The following PRIMA1 variants were observed in gnomAD, a reference collection of about 807,000 sequenced individuals.
The protein encoded by PRIMA1 is proline rich membrane anchor 1, also known as proline-rich membrane anchor 1.
Under a neutral mutation model 17.5 loss-of-function variants are expected in PRIMA1, and 7 were observed. That is an observed-to-expected ratio of 0.40 (90% CI 0.23 to 0.75). The LOEUF (loss-of-function observed/expected upper bound fraction) is 0.75, where lower values mean the gene tolerates loss of function less well. PRIMA1 is among the 30% of genes least tolerant of loss of function. The probability of loss-of-function intolerance (pLI) is 0.37; values close to 1 mark genes in which losing one functional copy is unlikely to be tolerated. For missense variants in PRIMA1, 200 were observed against 201.8 expected (o/e 0.99, Z 0.05); for synonymous variants, 97 against 77.9 (o/e 1.25, Z -1.29).
intron 3 of PRIMA1, among the ~76,000 whole-genome samples, chr14:93,762,120 C>T (rs962382055): frequency 3.3e-5 from 5 of 152,156 alleles, no homozygotes; most frequent in Admixed American, 2.6e-4. Context: ...CTTGGGGACA[C>T]GCCAGTCCTG....
chr14:93,746,106 G>T (rs2076215809), intron 3 of PRIMA1, among the ~76,000 whole-genome samples: 1 of 152,120 alleles, frequency 6.6e-6, no homozygotes, highest in African/African-American at 2.4e-5. Flanking sequence ...GGTTTTCAGG[G>T]GTCGCAGCCG....
At position 93,726,633 on chromosome 14, in the gene PRIMA1, C is replaced by T. The variant is rs557795646; in HGVS notation, c.360-5087G>A. ...TATAATATACACATAGACACATGTA[C>T]ACATGCACAAATCCACACACACATA... On this transcript the variant is annotated intron_variant, in intron 4 of 4. Coordinates refer to ENST00000393140, the MANE Select transcript of PRIMA1 (RefSeq NM_178013.4). This position sits in a 1 kb window ranked among gnomAD's most constrained non-coding sequence, Gnocchi z 4.2. 2.2e-3 allele frequency among the ~76,000 whole-genome samples: 338 copies of T among 152,146 alleles called. No individual in the cohort carries two copies. The highest frequency in any genetic ancestry group is 3.9e-3 in the Non-Finnish European group (267 of 67,992).
At chr14:93,722,843 G>C (rs1362818848) in intron 4 of PRIMA1, among the ~76,000 whole-genome samples, 4 of 8,218 alleles carry the variant, frequency 4.9e-4, no homozygotes, top group Admixed American at 9.9e-4. Context: ...TGGTAGCAAT[G>C]ATGGTGGTGA....
intron 3 of PRIMA1, among the ~76,000 whole-genome samples, chr14:93,753,718 A>G (rs1008945789): frequency 6.6e-6 from 1 of 152,182 alleles, no homozygotes; most frequent in African/African-American, 2.4e-5. Context: ...GCCTAAGTGG[A>G]GAGATGATGC....
chr14:93,782,295 C>A (rs1056895524), intron 2 of PRIMA1, among the ~76,000 whole-genome samples: 5 of 151,462 alleles, frequency 3.3e-5, no homozygotes, highest in South Asian at 2.1e-4. Context: ...TAAATAAATA[C>A]ATACATACAT....
intron 3 of PRIMA1, among the ~76,000 whole-genome samples, chr14:93,743,243 C>T (rs372930749): frequency 5.2e-4 from 79 of 152,326 alleles, no homozygotes; most frequent in African/African-American, 1.7e-3. Context: ...GCCTGAGTAC[C>T]AGACATTGCT....
At chr14:93,732,584 G>T (rs567031098) in intron 4 of PRIMA1, among the ~76,000 whole-genome samples, 2 of 152,344 alleles carry the variant, frequency 1.3e-5, no homozygotes, top group East Asian at 3.9e-4. Flanking sequence ...GGACTGTGCC[G>T]GTGGTGCCCA....
In PRIMA1 at chr14:93,737,242, T is replaced by G. The variant is rs771651617; in HGVS notation, c.358A>C (p.Arg120=). The change falls in exon 4 of 5, where the codon AGG becomes CGG. Residue 120 remains arginine, a splice_region_variant and synonymous_variant. Coordinates refer to ENST00000393140, the MANE Select transcript of PRIMA1 (RefSeq NM_178013.4). ...TGGGTGCAGTGAGTGAGCACTCACC[T>G]TTTTATGGCTTTGTAGCAAATGATG... The part of the protein sequence containing the change: ...LVIICYKAIK[R]KPLRKDENGT... 30 of 1,613,950 alleles carry G rather than the reference T, an allele frequency of 1.9e-5. No individual in the cohort carries two copies. Among genetic ancestry groups the G allele is most frequent in the Non-Finnish European group, 2.2e-5 (26 of 1,179,988 alleles).
intron 3 of PRIMA1, among the ~76,000 whole-genome samples, chr14:93,744,326 C>A (rs11160139): frequency 0.83 from 126,183 of 151,862 alleles, 53,202 homozygotes; most frequent in Middle Eastern, 0.92. Context: ...GCTCCCACAC[C>A]GGGTCCCATT....
At chr14:93,746,267 C>T (rs1296666123) in intron 3 of PRIMA1, among the ~76,000 whole-genome samples, 1 of 152,050 alleles carries the variant, frequency 6.6e-6, no homozygotes, top group Non-Finnish European at 1.5e-5. Context: ...TCCTCCTGCA[C>T]ACTGCTGTGT....
intron 3 of PRIMA1, among the ~76,000 whole-genome samples, chr14:93,761,717 C>T (rs113554470): frequency 6.6e-6 from 1 of 152,172 alleles, no homozygotes; most frequent in African/African-American, 2.4e-5. Context: ...CAGCTCCCCA[C>T]CCTCTCCCAC....
At chr14:93,777,386 G>C (rs1885250335) in intron 3 of PRIMA1, among the ~76,000 whole-genome samples, 1 of 152,184 alleles carries the variant, frequency 6.6e-6, no homozygotes, top group Non-Finnish European at 1.5e-5. Flanking sequence ...GCCCAGGCTG[G>C]AGTGCAGTGG....
chr14:93,761,349 T>TCAAAAA (rs1241999625), intron 3 of PRIMA1, among the ~76,000 whole-genome samples: 2 of 151,836 alleles, frequency 1.3e-5, no homozygotes, highest in African/African-American at 4.8e-5. Context: ...AGACTCTGTC[T>TCAAAAA]CAAAAACAAA....
chr14:93,785,167 G>GCCT (rs1885487600), intron 2 of PRIMA1, among the ~76,000 whole-genome samples: 1 of 130,646 alleles, frequency 7.7e-6, no homozygotes, highest in Non-Finnish European at 1.5e-5. Flanking sequence ...AAATTTGCCA[G>GCCT]CCTGTCATCC....
chr14:93,734,083 C>T (rs944317043), intron 4 of PRIMA1, among the ~76,000 whole-genome samples: 3 of 152,222 alleles, frequency 2.0e-5, no homozygotes, highest in African/African-American at 7.2e-5. Context: ...AAATATCTGT[C>T]TGCTGCACCA....
At chr14:93,744,316 G>A (rs2141166413) in intron 3 of PRIMA1, among the ~76,000 whole-genome samples, 1 of 152,332 alleles carries the variant, frequency 6.6e-6, no homozygotes, top group East Asian at 1.9e-4. Context: ...TGCGGTGCCT[G>A]CTCCCACACC....
chr14:93,748,754 C>T (rs1485513227), intron 3 of PRIMA1, among the ~76,000 whole-genome samples: 1 of 152,136 alleles, frequency 6.6e-6, no homozygotes, highest in African/African-American at 2.4e-5. Flanking sequence ...GGCAGATTGG[C>T]TGCTTATCAT....
chr14:93,723,152 G>A (rs868169196), intron 4 of PRIMA1, among the ~76,000 whole-genome samples: 5 of 152,196 alleles, frequency 3.3e-5, no homozygotes, highest in African/African-American at 7.2e-5. Context: ...CATGCTCTCT[G>A]TAGCCCAATT....
chr14:93,788,251 C>A (rs1885586320), intron 1 of PRIMA1, among the ~76,000 whole-genome samples, 159 bp downstream of exon 1: 1 of 152,224 alleles, frequency 6.6e-6, no homozygotes, highest in African/African-American at 2.4e-5. Context: ...GCTGCCTGCA[C>A]CCACACTGCC....
Sources: gnomAD v4.1 joint callset for allele counts (sites outside exome capture counted in the v4.1 genomes callset) on GRCh38, gnomAD v4.1.1 for gene constraint, Gnocchi (gnomAD v3.1) non-coding constraint, MANE v1.5 for transcripts, NCBI Gene and HGNC (gene_info 2026-07-23, HGNC 2026-07-21) for gene names.